The following TRAPPC9 variants were observed in gnomAD, a reference collection of about 807,000 sequenced individuals.
TRAPPC9 encodes trafficking protein particle complex subunit 9, also known as IKK2 binding protein.
Under a neutral mutation model 124.0 loss-of-function variants are expected in TRAPPC9, and 83 were observed. The ratio of observed to expected loss-of-function variants is 0.67; its 90% CI spans 0.56 to 0.80. The LOEUF (loss-of-function observed/expected upper bound fraction) is 0.80. TRAPPC9 is among the 30% of genes least tolerant of loss of function. TRAPPC9 has a pLI of 0.00. For missense variants in TRAPPC9, 1,302 were observed against 1,508.3 expected, an observed-to-expected ratio of 0.86 and a Z score of 2.27; for synonymous variants, 638 against 617.5, an observed-to-expected ratio of 1.03 and a Z score of -0.49.
intron 17 of TRAPPC9, among the ~76,000 whole-genome samples, chr8:140,044,071 G>A (rs890951841): frequency 7.9e-5 from 12 of 152,146 alleles, no homozygotes; most frequent in Non-Finnish European, 1.8e-4. Context: ...TCAGCCAGGC[G>A]CCTTCAAACC....
At chr8:140,310,441 C>T (rs984605659) in intron 10 of TRAPPC9, among the ~76,000 whole-genome samples, 2 of 152,176 alleles carry the variant, frequency 1.3e-5, no homozygotes, top group African/African-American at 2.4e-5. Context: ...TGTTTCTTTC[C>T]GGTCTTCAAA....
chr8:140,101,306 T>C (rs1262880528), intron 17 of TRAPPC9, among the ~76,000 whole-genome samples: 3 of 151,896 alleles, frequency 2.0e-5, no homozygotes, highest in Non-Finnish European at 4.4e-5. Flanking sequence ...TGCCTAATTT[T>C]TGTATTTTTA....
intron 17 of TRAPPC9, among the ~76,000 whole-genome samples, chr8:140,213,197 G>T (rs1344230693): frequency 6.6e-6 from 1 of 151,688 alleles, no homozygotes. Flanking sequence ...TCTCATATGG[G>T]AAGGTTTTAA....
intron 7 of TRAPPC9, among the ~76,000 whole-genome samples, chr8:140,380,753 A>T (rs1352502285): frequency 6.6e-6 from 1 of 152,010 alleles, no homozygotes; most frequent in Non-Finnish European, 1.5e-5. Context: ...TAAATGCAAA[A>T]ACTAACCCTA....
intron 20 of TRAPPC9, among the ~76,000 whole-genome samples, chr8:139,897,981 G>T (rs1228930232): frequency 6.6e-6 from 1 of 152,278 alleles, no homozygotes; most frequent in African/African-American, 2.4e-5. Context: ...GGTCACACAT[G>T]AAGTTTTCTG....
At chr8:140,282,381 T>C (rs559339277) in intron 14 of TRAPPC9, among the ~76,000 whole-genome samples, 2 of 151,634 alleles carry the variant, frequency 1.3e-5, no homozygotes, top group Non-Finnish European at 2.9e-5. Flanking sequence ...CGGGTACCTA[T>C]AATCCCAGCT....
intron 18 of TRAPPC9, among the ~76,000 whole-genome samples, chr8:139,997,709 A>G (rs1444307356): frequency 1.1e-5 from 1 of 94,624 alleles, no homozygotes; most frequent in African/African-American, 2.8e-5. Context: ...CAGGGAGACA[A>G]TGCATCCCAC....
At chr8:139,830,211 T>C (rs2130835938) in intron 21 of TRAPPC9, among the ~76,000 whole-genome samples, 1 of 151,710 alleles carries the variant, frequency 6.6e-6, no homozygotes, top group South Asian at 2.1e-4. Context: ...CACACATGCA[T>C]ACACACACAA....
intron 17 of TRAPPC9, among the ~76,000 whole-genome samples, chr8:140,185,035 T>A (rs2062320761): frequency 2.0e-5 from 3 of 152,240 alleles, no homozygotes; most frequent in Non-Finnish European, 4.4e-5. Context: ...ACTCTTTCCA[T>A]GAGATAGCTT....
At chr8:139,850,706 T>G (rs1473414) in intron 21 of TRAPPC9, among the ~76,000 whole-genome samples, 1 of 151,918 alleles carries the variant, frequency 6.6e-6, no homozygotes, top group Non-Finnish European at 1.5e-5. Flanking sequence ...CACTCATCAG[T>G]GGTCCACCCA....
intron 18 of TRAPPC9, among the ~76,000 whole-genome samples, chr8:140,010,997 C>T (rs963305635): frequency 5.3e-5 from 8 of 152,016 alleles, no homozygotes; most frequent in African/African-American, 1.9e-4. Context: ...CAACATGTAT[C>T]GTATTTTTTT....
intron 21 of TRAPPC9, among the ~76,000 whole-genome samples, chr8:139,780,229 T>C (rs1821708041): frequency 1.3e-5 from 2 of 152,106 alleles, no homozygotes; most frequent in Admixed American, 6.5e-5. Flanking sequence ...AAGAACAAAG[T>C]CATAGCACTG....
At chr8:140,288,619 G>C (rs905889788) in intron 12 of TRAPPC9, among the ~76,000 whole-genome samples, 3 of 152,062 alleles carry the variant, frequency 2.0e-5, no homozygotes, top group African/African-American at 4.8e-5. Context: ...ATTACTCACA[G>C]AAAACAAAAC....
In TRAPPC9 at chr8:140,089,894, A is replaced by G. The variant is rs564033885; in HGVS notation, c.2557-65815T>C. ...GGAGATCAAGACCATCCTGGCCAACACGGTAAAACCCTGTCTCTACTAAAA... is the reference window on the plus strand; with the variant it reads ...GGAGATCAAGACCATCCTGGCCAACGCGGTAAAACCCTGTCTCTACTAAAA... On this transcript the variant is annotated intron_variant, in intron 17 of 22. Transcript: ENST00000438773. 4.1e-3 allele frequency among the ~76,000 whole-genome samples: 627 copies of G among 152,204 alleles called. 7 individuals are homozygous for G. Among genetic ancestry groups the G allele is most frequent in the African/African-American group, 0.014 (598 of 41,540 alleles).
intron 18 of TRAPPC9, among the ~76,000 whole-genome samples, chr8:139,993,160 C>T (rs539485888): frequency 6.6e-6 from 1 of 152,024 alleles, no homozygotes; most frequent in African/African-American, 2.4e-5. Context: ...CAGGCATTTG[C>T]AACATATTAA....
At chr8:140,375,307 T>C (rs1305629333) in intron 7 of TRAPPC9, among the ~76,000 whole-genome samples, 1 of 152,194 alleles carries the variant, frequency 6.6e-6, no homozygotes, top group Non-Finnish European at 1.5e-5. Flanking sequence ...AGGGCCCAGA[T>C]GTTTATGTGA....
intron 17 of TRAPPC9, among the ~76,000 whole-genome samples, chr8:140,124,930 A>G (rs553217488): frequency 3.3e-5 from 5 of 152,382 alleles, no homozygotes; most frequent in Admixed American, 3.3e-4. Flanking sequence ...TTGGGTTTCA[A>G]TGTTGCCATT....
chr8:139,895,186 C>T (rs1037504465), intron 20 of TRAPPC9, among the ~76,000 whole-genome samples: 1 of 152,196 alleles, frequency 6.6e-6, no homozygotes, highest in East Asian at 1.9e-4. Flanking sequence ...GTCTGCCAGA[C>T]TGGTAACAAT....
chr8:140,320,659 T>C (rs748644691), intron 9 of TRAPPC9, among the ~76,000 whole-genome samples: 19 of 152,232 alleles, frequency 1.2e-4, no homozygotes, highest in Non-Finnish European at 2.2e-4. Context: ...CAAACTCCCT[T>C]CTTACAAAAG....
Sources: gnomAD v4.1 joint callset for allele counts (sites outside exome capture counted in the v4.1 genomes callset) on GRCh38, gnomAD v4.1.1 for gene constraint, MANE v1.5 for transcripts, NCBI Gene and HGNC (gene_info 2026-07-23, HGNC 2026-07-21) for gene names.